Variants in PTPRD observed in about 807,000 individuals in gnomAD.
PTPRD encodes protein tyrosine phosphatase receptor type D.
Under a neutral mutation model 214.5 loss-of-function variants are expected in PTPRD, and 34 were observed. The ratio of observed to expected loss-of-function variants is 0.16; its 90% confidence interval spans 0.12 to 0.21. The LOEUF (loss-of-function observed/expected upper bound fraction) is 0.21, where lower values mean the gene tolerates loss of function less well. PTPRD is among the 10% of genes least tolerant of loss of function. PTPRD has a pLI of 1.00. For synonymous variants in PTPRD, 1,128 were observed against 845.7 expected, an observed-to-expected ratio of 1.33 and a Z score of -5.79; for missense variants, 2,545 against 2,398.7, an observed-to-expected ratio of 1.06 and a Z score of -1.27.
intron 5 of PTPRD, among the ~76,000 whole-genome samples, chr9:9,897,028 T>C (rs2075160280): frequency 6.6e-6 from 1 of 151,956 alleles, no homozygotes; most frequent in African/African-American, 2.4e-5. Flanking sequence ...AGGAGAACAA[T>C]GTTTCCCTTT....
At chr9:10,387,184 G>T (rs1167174063) in intron 2 of PTPRD, among the ~76,000 whole-genome samples, 1 of 151,844 alleles carries the variant, frequency 6.6e-6, no homozygotes, top group Non-Finnish European at 1.5e-5. Flanking sequence ...TAATAAATTT[G>T]TGTTGTTTTA....
rs1275072571 is a variant in PTPRD, at chr9:8,345,559, T to A, written c.4662-3581A>T. On this transcript the variant is annotated intron_variant, in intron 39 of 45. Coordinates refer to ENST00000381196, the MANE Select transcript of PTPRD (RefSeq NM_002839.4). The stretch of plus-strand genomic sequence containing the variant: ...ACTAGTCAAGGGAGTATGGGAAACA[T>A]CAGATACTCCCTTGGGGTTAATGGT... 2.6e-5 allele frequency among the ~76,000 whole-genome samples: 4 copies of A among 152,138 alleles called. No homozygotes were observed. In the East Asian group the frequency reaches 7.8e-4, roughly 30 times the overall value.
At chr9:9,126,401 T>C (rs1288788451) in intron 10 of PTPRD, among the ~76,000 whole-genome samples, 2 of 152,208 alleles carry the variant, frequency 1.3e-5, no homozygotes, top group African/African-American at 4.8e-5. Flanking sequence ...TCCTCACCTA[T>C]ATCAAGGATA....
At chr9:10,107,545 C>T (rs938709374) in intron 3 of PTPRD, among the ~76,000 whole-genome samples, 2 of 152,192 alleles carry the variant, frequency 1.3e-5, no homozygotes, top group South Asian at 2.1e-4. Context: ...GCAATCTCAT[C>T]TGTCCAGCAT....
intron 2 of PTPRD, among the ~76,000 whole-genome samples, chr9:10,509,469 C>CAAT (rs1209323585): frequency 1.4e-5 from 1 of 72,092 alleles, no homozygotes; most frequent in Non-Finnish European, 2.9e-5. Context: ...TTTGATTGAT[C>CAAT]CATCTATCTA....
At chr9:9,519,979 A>G (rs947003070) in intron 8 of PTPRD, among the ~76,000 whole-genome samples, 1 of 152,052 alleles carries the variant, frequency 6.6e-6, no homozygotes, top group African/African-American at 2.4e-5. Flanking sequence ...AAATAATGGA[A>G]AAGTACAGAG....
At chr9:9,130,880 G>A (rs371293352) in intron 10 of PTPRD, among the ~76,000 whole-genome samples, 26 of 152,196 alleles carry the variant, frequency 1.7e-4, no homozygotes, top group East Asian at 1.5e-3. Context: ...AATTACTTAC[G>A]AATCAAATGT....
chr9:9,809,569 A>G (rs1366490935), intron 5 of PTPRD, among the ~76,000 whole-genome samples: 2 of 152,132 alleles, frequency 1.3e-5, no homozygotes, highest in Admixed American at 1.3e-4. Flanking sequence ...CAGCAGGATC[A>G]AGTGATTTTA....
At chr9:9,781,247 C>T (rs1597618338) in intron 5 of PTPRD, among the ~76,000 whole-genome samples, 1 of 152,016 alleles carries the variant, frequency 6.6e-6, no homozygotes, top group Admixed American at 6.6e-5. Flanking sequence ...GTAAAGATGT[C>T]AATAATGGGT....
chr9:10,028,126 G>C (rs1489923186), intron 4 of PTPRD, among the ~76,000 whole-genome samples: 1 of 152,126 alleles, frequency 6.6e-6, no homozygotes, highest in Non-Finnish European at 1.5e-5. Flanking sequence ...ATTGTGATAA[G>C]TCTCACAAGA....
intron 3 of PTPRD, among the ~76,000 whole-genome samples, chr9:10,073,650 C>A (rs2098077447): frequency 6.6e-6 from 1 of 152,010 alleles, no homozygotes; most frequent in South Asian, 2.1e-4. Flanking sequence ...GCCTTTGAGT[C>A]CAGTGGTCTT....
At chr9:9,029,830 G>A (rs564115384) in intron 10 of PTPRD, among the ~76,000 whole-genome samples, 99 of 151,876 alleles carry the variant, frequency 6.5e-4, no homozygotes, top group African/African-American at 2.0e-3. Flanking sequence ...TTAAGACTTC[G>A]GTAAAATGGA....
chr9:8,336,667 C>A (rs1177129763), intron 43 of PTPRD, among the ~76,000 whole-genome samples: 3 of 147,106 alleles, frequency 2.0e-5, no homozygotes, highest in African/African-American at 7.5e-5. Flanking sequence ...AGTGAACAGG[C>A]AACCTACAGA....
intron 5 of PTPRD, among the ~76,000 whole-genome samples, chr9:9,781,705 T>C (rs1712980022): frequency 6.6e-6 from 1 of 152,126 alleles, no homozygotes; most frequent in African/African-American, 2.4e-5. Context: ...AAGACTATTC[T>C]CTCTCTATCC....
intron 14 of PTPRD, among the ~76,000 whole-genome samples, chr9:8,597,092 A>C (rs150472838): frequency 6.6e-6 from 1 of 152,252 alleles, no homozygotes; most frequent in African/African-American, 2.4e-5. Context: ...TAAAATTACA[A>C]TCATGCGTTA....
At chr9:9,125,874 T>C (rs1450600697) in intron 10 of PTPRD, among the ~76,000 whole-genome samples, 1 of 152,176 alleles carries the variant, frequency 6.6e-6, no homozygotes, top group Non-Finnish European at 1.5e-5. Flanking sequence ...GTGATGACTT[T>C]ACTGAGGAGG....
chr9:8,318,165 T>C (rs545970880), intron 45 of PTPRD, among the ~76,000 whole-genome samples: 95 of 151,976 alleles, frequency 6.3e-4, no homozygotes, highest in African/African-American at 2.1e-3. Context: ...TAAAACGATC[T>C]CCCAATTCCA....
chr9:10,336,164 T>C (rs2096840850), intron 3 of PTPRD, among the ~76,000 whole-genome samples: 1 of 151,806 alleles, frequency 6.6e-6, no homozygotes, highest in Admixed American at 6.6e-5. Flanking sequence ...GCTTTATTGA[T>C]ATGGTATGCT....
intron 8 of PTPRD, among the ~76,000 whole-genome samples, chr9:9,517,699 A>G (rs147101469): frequency 2.5e-4 from 38 of 152,170 alleles, no homozygotes; most frequent in Non-Finnish European, 4.0e-4. Context: ...GAAAAACATC[A>G]TTATTTCTTT....
Sources: allele counts gnomAD v4.1 joint callset (sites outside exome capture counted in the v4.1 genomes callset), GRCh38; gene constraint gnomAD v4.1.1; transcripts MANE v1.5; gene names NCBI Gene and HGNC (gene_info 2026-07-23, HGNC 2026-07-21).